CDK19: variants seen among roughly 807,000 people sequenced by gnomAD.
The protein encoded by CDK19 is cyclin-dependent kinase 19.
Under a neutral mutation model 68.3 loss-of-function variants are expected in CDK19, and 20 were observed. The ratio of observed to expected loss-of-function variants is 0.29; its 90% CI spans 0.21 to 0.43. The LOEUF (loss-of-function observed/expected upper bound fraction) is 0.43, where lower values mean the gene tolerates loss of function less well. Ranked by LOEUF, CDK19 falls within the 20% of genes least tolerant of loss-of-function variation. CDK19 has a pLI of 1.00. For missense variants in CDK19, 339 were observed against 623.5 expected (o/e 0.54, Z 4.86); for synonymous variants, 221 against 222.8 (o/e 0.99, Z 0.07).
intron 2 of CDK19, among the ~76,000 whole-genome samples, chr6:110,671,314 C>G (rs1770997543): frequency 6.6e-6 from 1 of 152,138 alleles, no homozygotes; most frequent in Non-Finnish European, 1.5e-5. Context: ...CATTATTGCT[C>G]AAGGTAAAAG....
intron 1 of CDK19, chr6:110,813,643 A>G (rs1346057728): frequency 2.6e-5 from 4 of 152,232 alleles, no homozygotes; most frequent in Non-Finnish European, 1.5e-5. Flanking sequence ...AAATTCTGCA[A>G]TAATAATAAT....
intron 1 of CDK19, among the ~76,000 whole-genome samples, chr6:110,752,374 CG>C (rs1562259801): frequency 6.6e-6 from 1 of 152,090 alleles, no homozygotes; most frequent in African/African-American, 2.4e-5. Flanking sequence ...AGTTCAATGT[CG>C]TAACACTTTA....
chr6:110,689,701 T>C (rs1018140144), intron 2 of CDK19, among the ~76,000 whole-genome samples: 1 of 152,196 alleles, frequency 6.6e-6, no homozygotes, highest in Admixed American at 6.5e-5. Flanking sequence ...GGAGTCTGCG[T>C]CACTCCCCGG....
intron 1 of CDK19, among the ~76,000 whole-genome samples, chr6:110,786,879 T>TCG (rs1781263256): frequency 6.6e-6 from 1 of 152,140 alleles, no homozygotes; most frequent in Non-Finnish European, 1.5e-5. Context: ...CTGGTGTTTA[T>TCG]CTTTTCCTTC....
chr6:110,751,264 C>A lies in CDK19; in HGVS notation c.129-5063G>T, dbSNP rs962721179. Among the ~76,000 whole-genome samples, 3 of 152,192 alleles carry A rather than the reference C, an allele frequency of 2.0e-5. No individual in the cohort carries two copies. In the East Asian group the frequency reaches 5.8e-4, roughly 29 times the overall value. ...AGTGGTGGGCGAGCAAGCAATGCTT[C>A]ATCTGTATTTACAGCTACTCTCCAT... On this transcript the variant is annotated intron_variant, in intron 1 of 12. Transcript: ENST00000368911.
intron 2 of CDK19, among the ~76,000 whole-genome samples, chr6:110,674,779 G>A (rs1771344303): frequency 1.3e-5 from 2 of 152,048 alleles, no homozygotes; most frequent in African/African-American, 4.8e-5. Flanking sequence ...GCAGGTACCT[G>A]TAATGCTAGC....
chr6:110,637,435 A>C (rs1222435218), intron 5 of CDK19, among the ~76,000 whole-genome samples: 2 of 152,218 alleles, frequency 1.3e-5, no homozygotes, highest in African/African-American at 4.8e-5. Flanking sequence ...AGAGGTGTTT[A>C]AAGAAAAGGA....
At position 110,698,046 on chromosome 6, in the gene CDK19, GA is replaced by G. The variant is rs140021576; in HGVS notation, c.205-27506del. On this transcript the variant is annotated intron_variant, in intron 2 of 12. Coordinates refer to ENST00000368911, the MANE Select transcript of CDK19 (RefSeq NM_015076.5). ...GATCAAAGACTTAACTCTAAGGCAT[GA>G]AACCATAAAAATTATAGAAGATAAC... 9.0e-3 allele frequency among the ~76,000 whole-genome samples: 1,374 copies of G among 152,092 alleles called. 21 individuals carry two copies. The highest frequency in any genetic ancestry group is 0.031 in the African/African-American group (1,297 of 41,484).
intron 4 of CDK19, among the ~76,000 whole-genome samples, chr6:110,660,675 T>G (rs1487079839): frequency 1.3e-5 from 2 of 152,140 alleles, no homozygotes; most frequent in African/African-American, 2.4e-5. Context: ...TAGACTCTTC[T>G]CCAAAGCTAC....
chr6:110,680,802 GC>G (rs1582848870), intron 2 of CDK19, among the ~76,000 whole-genome samples: 2 of 151,972 alleles, frequency 1.3e-5, no homozygotes, highest in Admixed American at 1.3e-4. Context: ...TTCGAGGCCA[GC>G]CTGGACAACA....
chr6:110,815,320 G>A lies in CDK19; in HGVS notation c.-184C>T, dbSNP rs1783553805. The A allele has an allele frequency of 5.6e-6, 3 of 539,592 alleles. No individual in the cohort carries two copies. The Admixed American group carries it at 1.4e-4, about 25-fold the overall frequency. 33.4% of individuals were successfully genotyped at this position (539,592 alleles called of 1,614,324 possible). A position where few individuals can be genotyped will look rare whatever the true frequency, so the allele number is the denominator to read the frequency against. On this transcript the variant is annotated 5_prime_UTR_variant, in exon 1 of 13. Transcript: ENST00000368911. ...AAGGGACTCCTCGGCGGCCACAGCAGCCACCTCCTCCACCTCTTCCTCCTC... is the reference window on the plus strand; with the variant it reads ...AAGGGACTCCTCGGCGGCCACAGCAACCACCTCCTCCACCTCTTCCTCCTC...
At chr6:110,810,796 A>G (rs1035612890) in intron 1 of CDK19, among the ~76,000 whole-genome samples, 1 of 152,042 alleles carries the variant, frequency 6.6e-6, no homozygotes, top group Admixed American at 6.6e-5. Flanking sequence ...GAAAAGAAAA[A>G]AGAAAAGCAG....
At chr6:110,775,293 C>G (rs1218249698) in intron 1 of CDK19, among the ~76,000 whole-genome samples, 1 of 152,068 alleles carries the variant, frequency 6.6e-6, no homozygotes, top group Non-Finnish European at 1.5e-5. Flanking sequence ...GAAAAATATA[C>G]TTCACAAAAT....
chr6:110,730,410 G>T (rs1193666452), intron 2 of CDK19, among the ~76,000 whole-genome samples: 1 of 152,120 alleles, frequency 6.6e-6, no homozygotes, highest in East Asian at 1.9e-4. Context: ...ATCAGAAGAA[G>T]TTTAAACAAC....
chr6:110,711,738 C>T (rs1451790196), intron 2 of CDK19, among the ~76,000 whole-genome samples: 4 of 152,228 alleles, frequency 2.6e-5, no homozygotes, highest in African/African-American at 7.2e-5. Context: ...GAGGCCAAGG[C>T]GGGTGGATCA....
chr6:110,701,034 G>A (rs148728076), intron 2 of CDK19: 4,101 of 151,208 alleles, frequency 0.027, 67 homozygotes, highest in South Asian at 0.083. Context: ...GTGAAACCCC[G>A]TCTCTACTAA....
intron 2 of CDK19, among the ~76,000 whole-genome samples, chr6:110,727,532 G>C (rs1161356451): frequency 6.6e-6 from 1 of 152,128 alleles, no homozygotes; most frequent in Non-Finnish European, 1.5e-5. Flanking sequence ...TATTGCTCTT[G>C]TATAATCCTC....
chr6:110,635,875 T>C (rs934310628), intron 5 of CDK19, among the ~76,000 whole-genome samples: 2 of 152,198 alleles, frequency 1.3e-5, no homozygotes, highest in African/African-American at 4.8e-5. Flanking sequence ...CAACACTGTA[T>C]CAAAGCATTA....
intron 2 of CDK19, among the ~76,000 whole-genome samples, chr6:110,672,858 G>A (rs185065709): frequency 3.7e-4 from 57 of 152,002 alleles, no homozygotes; most frequent in African/African-American, 1.3e-3. Flanking sequence ...AATATTTCTT[G>A]TTCTTTTTTA....
Sources: allele counts gnomAD v4.1 joint callset (sites outside exome capture counted in the v4.1 genomes callset), GRCh38; gene constraint gnomAD v4.1.1; transcripts MANE v1.5; gene names NCBI Gene and HGNC (gene_info 2026-07-23, HGNC 2026-07-21).